GPC5: variants seen among roughly 807,000 people sequenced by gnomAD.
GPC5 encodes glypican 5.
Under a neutral mutation model 53.9 loss-of-function variants are expected in GPC5, and 47 were observed. The ratio of observed to expected loss-of-function variants is 0.87; its 90% CI spans 0.69 to 1.11. The LOEUF is 1.11. GPC5 is among the 50% of genes most tolerant of loss of function. The probability of loss-of-function intolerance (pLI) is 0.00; values close to 1 mark genes in which losing one functional copy is unlikely to be tolerated. For synonymous variants in GPC5, 286 were observed against 263.3 expected (o/e 1.09, Z -0.84); for missense variants, 748 against 713.1 (o/e 1.05, Z -0.56).
At chr13:92,366,963 A>T (rs753989268) in intron 7 of GPC5, among the ~76,000 whole-genome samples, 5 of 152,188 alleles carry the variant, frequency 3.3e-5, no homozygotes, top group African/African-American at 1.2e-4. Context: ...TTTCAGCATT[A>T]TTGTTACCTA....
intron 3 of GPC5, among the ~76,000 whole-genome samples, chr13:91,727,878 A>G (rs575853187): frequency 2.0e-5 from 3 of 152,294 alleles, no homozygotes; most frequent in East Asian, 1.9e-4. Flanking sequence ...AATTTTTTCA[A>G]TGATAATTAT....
intron 7 of GPC5, among the ~76,000 whole-genome samples, chr13:92,791,978 T>C (rs78936761): frequency 5.3e-4 from 81 of 152,170 alleles, no homozygotes; most frequent in African/African-American, 1.4e-3. Flanking sequence ...AATATCCTCA[T>C]ATATAATTTG....
At chr13:92,616,535 T>A (rs564520534) in intron 7 of GPC5, among the ~76,000 whole-genome samples, 1 of 152,312 alleles carries the variant, frequency 6.6e-6, no homozygotes, top group South Asian at 2.1e-4. Flanking sequence ...CTGAATAAAA[T>A]TAGCAAGGAA....
chr13:92,790,747 A>G (rs1425116656), intron 7 of GPC5, among the ~76,000 whole-genome samples: 1 of 152,144 alleles, frequency 6.6e-6, no homozygotes, highest in Non-Finnish European at 1.5e-5. Flanking sequence ...ACTGATAGAC[A>G]AGAGACATTT....
At chr13:91,819,150 G>GTT (rs2038449303) in intron 5 of GPC5, among the ~76,000 whole-genome samples, 3 of 108,180 alleles carry the variant, frequency 2.8e-5, no homozygotes, top group South Asian at 3.0e-4. Flanking sequence ...AAAAATATGC[G>GTT]CTTTTTTTTT....
chr13:91,416,060 A>G (rs568753631), intron 1 of GPC5, among the ~76,000 whole-genome samples: 1 of 152,316 alleles, frequency 6.6e-6, no homozygotes, highest in African/African-American at 2.4e-5. Context: ...TATTTGATTT[A>G]TTAATCAAAG....
At chr13:92,551,758 T>C (rs907465178) in intron 7 of GPC5, among the ~76,000 whole-genome samples, 2 of 151,664 alleles carry the variant, frequency 1.3e-5, no homozygotes, top group Non-Finnish European at 3.0e-5. Context: ...GCAAGAATAA[T>C]GTGAGAAGAA....
intron 1 of GPC5, among the ~76,000 whole-genome samples, chr13:91,406,914 T>G (rs1238143250): frequency 6.6e-6 from 1 of 152,208 alleles, no homozygotes; most frequent in Non-Finnish European, 1.5e-5. Context: ...CACGTATGGG[T>G]CAATACTTAT....
At chr13:91,461,035 G>T (rs1881897348) in intron 2 of GPC5, among the ~76,000 whole-genome samples, 1 of 152,110 alleles carries the variant, frequency 6.6e-6, no homozygotes. Context: ...AGAAGGCAAA[G>T]GGCTTGAAAT....
chr13:91,832,663 A>T (rs1482160856), intron 5 of GPC5, among the ~76,000 whole-genome samples: 1 of 152,146 alleles, frequency 6.6e-6, no homozygotes, highest in Non-Finnish European at 1.5e-5. Context: ...AATGAAACTA[A>T]GGCATAAATA....
intron 2 of GPC5, among the ~76,000 whole-genome samples, chr13:91,569,421 A>T (rs1322331945): frequency 6.6e-6 from 1 of 152,140 alleles, no homozygotes; most frequent in Admixed American, 6.6e-5. Context: ...CTGTAATTTT[A>T]AAAATACAGA....
chr13:92,565,614 CA>C (rs1882839060), intron 7 of GPC5, among the ~76,000 whole-genome samples: 2 of 152,028 alleles, frequency 1.3e-5, no homozygotes, highest in African/African-American at 4.8e-5. Context: ...ACTAAGACCA[CA>C]AGTTTTTTCC....
At chr13:92,328,027 G>T (rs1210552402) in intron 7 of GPC5, among the ~76,000 whole-genome samples, 1 of 152,142 alleles carries the variant, frequency 6.6e-6, no homozygotes, top group Middle Eastern at 3.2e-3. Context: ...AAATGTTACT[G>T]TGCTTCTTCA....
intron 2 of GPC5, among the ~76,000 whole-genome samples, chr13:91,546,823 T>C (rs2030320029): frequency 6.6e-6 from 1 of 152,114 alleles, no homozygotes; most frequent in Non-Finnish European, 1.5e-5. Context: ...ACTTTGCCTT[T>C]AAAAAAGATC....
intron 7 of GPC5, among the ~76,000 whole-genome samples, chr13:92,315,987 A>G (rs1396640520): frequency 6.6e-6 from 1 of 152,140 alleles, no homozygotes; most frequent in Non-Finnish European, 1.5e-5. Context: ...TTCATGTATA[A>G]TATTTAAATA....
chr13:92,760,565 T>A (rs1269728603), intron 7 of GPC5, among the ~76,000 whole-genome samples: 2 of 152,060 alleles, frequency 1.3e-5, no homozygotes, highest in African/African-American at 2.4e-5. Flanking sequence ...TTGTTTTTTT[T>A]ATTCTGGCTA....
At chr13:92,777,720 C>G (rs1875870506) in intron 7 of GPC5, among the ~76,000 whole-genome samples, 1 of 152,180 alleles carries the variant, frequency 6.6e-6, no homozygotes. Flanking sequence ...CTATTTGTTC[C>G]CTGATGCCCT....
At chr13:92,804,813 C>A (rs1281354108) in intron 7 of GPC5, among the ~76,000 whole-genome samples, 2 of 152,080 alleles carry the variant, frequency 1.3e-5, no homozygotes, top group Admixed American at 1.3e-4. Context: ...TCAAACCTTG[C>A]TGCTGCTTTA....
chr13:91,896,014 T>C (rs1222763937), intron 5 of GPC5, among the ~76,000 whole-genome samples: 1 of 152,108 alleles, frequency 6.6e-6, no homozygotes, highest in African/African-American at 2.4e-5. Flanking sequence ...CATTTCTGTC[T>C]GTAAAAAATG....
Sources: gnomAD v4.1 joint callset for allele counts (sites outside exome capture counted in the v4.1 genomes callset) on GRCh38, gnomAD v4.1.1 for gene constraint, MANE v1.5 for transcripts, NCBI Gene and HGNC (gene_info 2026-07-23, HGNC 2026-07-21) for gene names.